Variants in CNTNAP5 observed in about 807,000 individuals in gnomAD.
CNTNAP5 encodes the protein contactin associated protein family member 5, also known as contactin-associated protein-like 5.
Under a neutral mutation model 150.2 loss-of-function variants are expected in CNTNAP5, and 72 were observed. The ratio of observed to expected loss-of-function variants is 0.48; its 90% CI spans 0.40 to 0.58. The LOEUF is 0.58. Among genes scored for constraint, CNTNAP5 ranks in the 20% least tolerant of loss-of-function variants. CNTNAP5 has a pLI of 0.00. For synonymous variants in CNTNAP5, 672 were observed against 619.8 expected (o/e 1.08, Z -1.25); for missense variants, 1,636 against 1,626.2 (o/e 1.01, Z -0.10).
chr2:124,138,714 A>G lies in CNTNAP5; in HGVS notation c.83-82991A>G, dbSNP rs150868666. 1.6e-4 allele frequency among the ~76,000 whole-genome samples: 24 copies of G among 152,278 alleles called. No homozygotes were observed. In the East Asian group the frequency reaches 4.4e-3, roughly 28 times the overall value. On this transcript the variant is annotated intron_variant, in intron 1 of 23. Transcript: ENST00000682447. ...GAGAGAAAATCTATTTAATTTGATT[A>G]TTGACAGAAAAATAAATGGCTCTAT...
intron 1 of CNTNAP5, among the ~76,000 whole-genome samples, chr2:124,072,903 C>T (rs1185784319): frequency 6.6e-6 from 1 of 151,918 alleles, no homozygotes; most frequent in Admixed American, 6.6e-5. Context: ...ATAGCCAAAG[C>T]TATCTCAGCA....
At position 124,878,543 on chromosome 2, in the gene CNTNAP5, G is replaced by A. The variant is rs556065601; in HGVS notation, c.3436+8781G>A. Among the ~76,000 whole-genome samples, 6 of 152,066 alleles carry A rather than the reference G, an allele frequency of 3.9e-5. No homozygotes were observed. The South Asian group carries it at 1.0e-3, about 26-fold the overall frequency. ...TTGCCTTCCAGCTAAAGGTATCCTA[G>A]TCTTTATGTAACAAAGCTTAAATTT... On this transcript the variant is annotated intron_variant, in intron 21 of 23. Transcript: ENST00000682447.
At chr2:124,344,701 A>G (rs1337344023) in intron 3 of CNTNAP5, among the ~76,000 whole-genome samples, 2 of 152,192 alleles carry the variant, frequency 1.3e-5, no homozygotes, top group South Asian at 2.1e-4. Flanking sequence ...GGTTACAGTG[A>G]GCCATGATAG....
chr2:124,472,159 AAG>A (rs1693533207), intron 6 of CNTNAP5, among the ~76,000 whole-genome samples: 1 of 152,090 alleles, frequency 6.6e-6, no homozygotes, highest in Admixed American at 6.6e-5. Flanking sequence ...GTGGTTCAAT[AAG>A]AGAGAATTTG....
chr2:124,563,238 A>C lies in CNTNAP5; in HGVS notation c.1671A>C (p.Glu557Asp). 1.3e-6 allele frequency: 2 copies of C among 1,593,574 alleles called. No individual in the cohort carries two copies. The highest frequency in any genetic ancestry group is 2.3e-5 in the South Asian group (2 of 87,412). Reference sequence around the variant, plus strand: ...TTAGGTGTTTGCCAAACTACTGTGAACATGGAGGAAGCTGCTCCCAGTCCT... The same window carrying C: ...TTAGGTGTTTGCCAAACTACTGTGACCATGGAGGAAGCTGCTCCCAGTCCT... ...IKDRCLPNYCEHGGSCSQSWT... is the reference protein window; with the variant it reads ...IKDRCLPNYCDHGGSCSQSWT... Residue 557 changes from glutamate (E) to aspartate (D), a missense_variant, in exon 11 of 24, where the codon GAA becomes GAC. Transcript: ENST00000682447.
At chr2:124,643,345 G>A (rs536148021) in intron 12 of CNTNAP5, among the ~76,000 whole-genome samples, 17 of 152,182 alleles carry the variant, frequency 1.1e-4, no homozygotes, top group Middle Eastern at 3.4e-3. Flanking sequence ...AAAACAAACT[G>A]GGTAGCAAAA....
chr2:124,562,174 C>T (rs185785960), intron 10 of CNTNAP5, among the ~76,000 whole-genome samples: 5 of 152,270 alleles, frequency 3.3e-5, no homozygotes, highest in South Asian at 4.1e-4. Flanking sequence ...AAAATGTTAC[C>T]TCCACTCCCA....
intron 13 of CNTNAP5, among the ~76,000 whole-genome samples, chr2:124,690,939 T>A (rs2105078994): frequency 6.6e-6 from 1 of 152,142 alleles, no homozygotes; most frequent in East Asian, 1.9e-4. Context: ...TTGCAGAAAA[T>A]CAATGACAAA....
At chr2:124,127,489 G>A (rs1208315665) in intron 1 of CNTNAP5, among the ~76,000 whole-genome samples, 1 of 152,088 alleles carries the variant, frequency 6.6e-6, no homozygotes, top group African/African-American at 2.4e-5. Flanking sequence ...ACTGCCCAAG[G>A]TAATTTATAG....
Position 124,175,212 on chromosome 2 carries a change from A to G in CNTNAP5, c.83-46493A>G, listed in dbSNP as rs545754843. ...GTCTGTATGGGCATGTATACATCACACAAGTGGGATCTACACATACATATG... is the reference window on the plus strand; with the variant it reads ...GTCTGTATGGGCATGTATACATCACGCAAGTGGGATCTACACATACATATG... On this transcript the variant is annotated intron_variant, in intron 1 of 23. Transcript: ENST00000682447. Among the ~76,000 whole-genome samples the G allele has an allele frequency of 2.7e-3, 409 of 149,510 alleles. 3 individuals are homozygous for G. Among genetic ancestry groups the G allele is most frequent in the South Asian group, 0.013 (60 of 4,738 alleles).
At chr2:124,239,671 TGA>T (rs1178981350) in intron 2 of CNTNAP5, among the ~76,000 whole-genome samples, 1 of 148,714 alleles carries the variant, frequency 6.7e-6, no homozygotes, top group Admixed American at 6.9e-5. Flanking sequence ...TTAATATTGC[TGA>T]GAGGGGACCA....
intron 7 of CNTNAP5, among the ~76,000 whole-genome samples, chr2:124,478,882 G>A (rs965263139): frequency 6.6e-6 from 1 of 152,138 alleles, no homozygotes; most frequent in Non-Finnish European, 1.5e-5. Flanking sequence ...CAAGGCCCAC[G>A]GAAGCTCCAG....
At chr2:124,589,435 G>C (rs891117433) in intron 11 of CNTNAP5, among the ~76,000 whole-genome samples, 3 of 152,122 alleles carry the variant, frequency 2.0e-5, no homozygotes, top group African/African-American at 7.2e-5. Flanking sequence ...TGGTTGGTAG[G>C]CTTTTGGGTT....
intron 1 of CNTNAP5, among the ~76,000 whole-genome samples, chr2:124,101,904 G>T (rs1170088913): frequency 1.3e-5 from 2 of 152,066 alleles, no homozygotes; most frequent in Non-Finnish European, 1.5e-5. Context: ...TCTTAATGTG[G>T]ATCAGTAGTT....
chr2:124,091,572 G>C (rs1035840760), intron 1 of CNTNAP5, among the ~76,000 whole-genome samples: 5 of 152,176 alleles, frequency 3.3e-5, no homozygotes, highest in Non-Finnish European at 5.9e-5. Flanking sequence ...AAAGAACCTA[G>C]TCCACAGTAG....
intron 12 of CNTNAP5, among the ~76,000 whole-genome samples, chr2:124,634,405 G>A (rs535725487): frequency 6.6e-6 from 1 of 152,270 alleles, no homozygotes; most frequent in African/African-American, 2.4e-5. Context: ...ATGCTACCAT[G>A]TTCTTTACTA....
intron 1 of CNTNAP5, among the ~76,000 whole-genome samples, chr2:124,142,153 AC>A (rs1425799202): frequency 3.2e-5 from 4 of 126,468 alleles, no homozygotes; most frequent in African/African-American, 1.2e-4. Flanking sequence ...GTCCTGAGTG[AC>A]CTACAAAGAG....
At chr2:124,718,349 C>A (rs1679985881) in intron 13 of CNTNAP5, among the ~76,000 whole-genome samples, 1 of 152,148 alleles carries the variant, frequency 6.6e-6, no homozygotes, top group South Asian at 2.1e-4. Context: ...ACCTCGTAAA[C>A]AGTGTAAAAA....
intron 12 of CNTNAP5, among the ~76,000 whole-genome samples, chr2:124,636,802 T>A (rs573342442): frequency 6.6e-5 from 10 of 152,094 alleles, no homozygotes; most frequent in Non-Finnish European, 1.2e-4. Context: ...TTCCTAAATG[T>A]CCAAACCTAC....
Sources: allele counts gnomAD v4.1 joint callset (sites outside exome capture counted in the v4.1 genomes callset), GRCh38; gene constraint gnomAD v4.1.1; transcripts MANE v1.5; gene names NCBI Gene and HGNC (gene_info 2026-07-23, HGNC 2026-07-21).